IGF2BP2: variants seen among roughly 807,000 people sequenced by gnomAD.
IGF2BP2 encodes insulin like growth factor 2 mRNA binding protein 2, also known as insulin-like growth factor 2 mRNA-binding protein 2.
A neutral mutation model predicts 75.8 loss-of-function variants in IGF2BP2; 17 were observed. The observed-to-expected ratio is 0.22, with a 90% CI of 0.15 to 0.34. The LOEUF (loss-of-function observed/expected upper bound fraction) is 0.34, where lower values mean the gene tolerates loss of function less well. Among genes scored for constraint, IGF2BP2 ranks in the 10% least tolerant of loss-of-function variants. IGF2BP2 has a pLI of 1.00. For missense variants in IGF2BP2, 516 were observed against 772.4 expected, an observed-to-expected ratio of 0.67 and a Z score of 3.93; for synonymous variants, 288 against 295.6, an observed-to-expected ratio of 0.97 and a Z score of 0.26.
intron 2 of IGF2BP2, among the ~76,000 whole-genome samples, chr3:185,799,117 A>G (rs1256789500): frequency 6.8e-6 from 1 of 148,120 alleles, no homozygotes; most frequent in Non-Finnish European, 1.5e-5. Flanking sequence ...AAGAAGCTGC[A>G]GGCCGGGCAC....
chr3:185,765,088 G>A lies in IGF2BP2; in HGVS notation c.239+58065C>T, dbSNP rs184321686. 6.0e-3 allele frequency among the ~76,000 whole-genome samples: 907 copies of A among 152,110 alleles called. 7 individuals carry two copies. Among genetic ancestry groups the A allele is most frequent in the African/African-American group, 0.021 (859 of 41,484 alleles). On this transcript the variant is annotated intron_variant, in intron 2 of 15. Coordinates refer to ENST00000382199, the MANE Select transcript of IGF2BP2 (RefSeq NM_006548.6). The stretch of plus-strand genomic sequence containing the variant: ...ACTTAATTCCCAGCCCCTCCTACCC[G>A]TTTATGACTTAGGAATGAATGTAAG...
chr3:185,724,481 T>C (rs1727035923), intron 2 of IGF2BP2: 1 of 152,236 alleles, frequency 6.6e-6, no homozygotes, highest in Non-Finnish European at 1.5e-5. Context: ...AAGTTCAGAC[T>C]GGAGTCAAAG....
chr3:185,776,679 C>A (rs1359678994), intron 2 of IGF2BP2, among the ~76,000 whole-genome samples: 1 of 152,104 alleles, frequency 6.6e-6, no homozygotes, highest in Non-Finnish European at 1.5e-5. Context: ...GCAGGGGTGT[C>A]ATGGGAGTTG....
At chr3:185,796,564 CAAAAA>C (rs60331633) in intron 2 of IGF2BP2, among the ~76,000 whole-genome samples, 5,854 of 71,714 alleles carry the variant, frequency 0.082, 128 homozygotes, top group South Asian at 0.13. Flanking sequence ...CATTCCGTCT[CAAAAA>C]AAAAAAAAAA....
In IGF2BP2 at chr3:185,699,057, C is replaced by T. The variant is rs536060773; in HGVS notation, c.240-710G>A. Among the ~76,000 whole-genome samples, 380 of 152,250 alleles carry T rather than the reference C, an allele frequency of 2.5e-3. 1 individual carries two copies. The highest frequency in any genetic ancestry group is 8.8e-3 in the African/African-American group (367 of 41,540). ...CTCGAACTCCTGACCTCAAGTGATCCGCCTGCCTCGGCCTCCCAAAGTTTT... is the reference window on the plus strand; with the variant it reads ...CTCGAACTCCTGACCTCAAGTGATCTGCCTGCCTCGGCCTCCCAAAGTTTT... On this transcript the variant is annotated intron_variant, in intron 2 of 15. Transcript: ENST00000382199.
chr3:185,713,675 A>G (rs1392979684), intron 2 of IGF2BP2, among the ~76,000 whole-genome samples: 1 of 152,216 alleles, frequency 6.6e-6, no homozygotes, highest in Non-Finnish European at 1.5e-5. Flanking sequence ...AAATAAATTT[A>G]TATTTTAGAA....
intron 5 of IGF2BP2, among the ~76,000 whole-genome samples, chr3:185,691,090 C>G (rs1560302135): frequency 6.6e-6 from 1 of 151,902 alleles, no homozygotes; most frequent in Admixed American, 6.6e-5. Flanking sequence ...TGAACTATTA[C>G]CTTTTTCTTT....
chr3:185,762,682 G>T (rs868588618), intron 2 of IGF2BP2, among the ~76,000 whole-genome samples: 1 of 152,056 alleles, frequency 6.6e-6, no homozygotes, highest in Non-Finnish European at 1.5e-5. Context: ...TGCAATAATA[G>T]AGCTTATACT....
At chr3:185,676,834 C>A (rs1429299775) in intron 7 of IGF2BP2, among the ~76,000 whole-genome samples, 2 of 118,910 alleles carry the variant, frequency 1.7e-5, no homozygotes, top group East Asian at 4.1e-4. Context: ...TGGAGATATA[C>A]ACTTACTGGA....
At chr3:185,807,148 T>C (rs963374301) in intron 2 of IGF2BP2, among the ~76,000 whole-genome samples, 2 of 152,148 alleles carry the variant, frequency 1.3e-5, no homozygotes, top group Non-Finnish European at 2.9e-5. Context: ...GTTTTAAAAT[T>C]TTCAATTAGG....
chr3:185,648,044 C>T (rs944489593), intron 14 of IGF2BP2, among the ~76,000 whole-genome samples: 3 of 152,238 alleles, frequency 2.0e-5, no homozygotes, highest in Admixed American at 6.5e-5. Context: ...CCTGGAGCGC[C>T]GACTGCATTC....
At position 185,714,723 on chromosome 3, in the gene IGF2BP2, G is replaced by C. The variant is rs545401187; in HGVS notation, c.240-16376C>G. Among the ~76,000 whole-genome samples, 21 of 152,266 alleles carry C rather than the reference G, an allele frequency of 1.4e-4. No homozygotes were observed. In the East Asian group the frequency reaches 4.1e-3, roughly 29 times the overall value. On this transcript the variant is annotated intron_variant, in intron 2 of 15. Coordinates refer to ENST00000382199, the MANE Select transcript of IGF2BP2 (RefSeq NM_006548.6). Reference sequence around the variant, plus strand: ...AGCACTTTGGGAGGCCAAGTCGAGAGGATTGCTTGAGCCCAGAAGTTTGAG... The same window carrying C: ...AGCACTTTGGGAGGCCAAGTCGAGACGATTGCTTGAGCCCAGAAGTTTGAG...
intron 2 of IGF2BP2, among the ~76,000 whole-genome samples, chr3:185,810,687 T>A (rs893851476): frequency 6.6e-6 from 1 of 151,902 alleles, no homozygotes; most frequent in South Asian, 2.1e-4. Context: ...GGCAGGAGAA[T>A]TGCTTGAACC....
intron 5 of IGF2BP2, among the ~76,000 whole-genome samples, chr3:185,690,419 A>C (rs1201461450): frequency 1.3e-5 from 2 of 152,124 alleles, no homozygotes; most frequent in Non-Finnish European, 2.9e-5. Context: ...CTTTAAAAAA[A>C]CAGTTAATAT....
intron 2 of IGF2BP2, among the ~76,000 whole-genome samples, chr3:185,785,866 C>G (rs1735816667): frequency 6.6e-6 from 1 of 152,108 alleles, no homozygotes; most frequent in Admixed American, 6.6e-5. Flanking sequence ...TAAACCATTT[C>G]TAGACTGAAT....
chr3:185,661,124 T>C (rs537336227), intron 10 of IGF2BP2, among the ~76,000 whole-genome samples: 17 of 152,358 alleles, frequency 1.1e-4, no homozygotes, highest in African/African-American at 3.8e-4. Context: ...GGAAAGAATC[T>C]TGAACTTGCA....
At chr3:185,648,249 G>C (rs1055914152) in intron 14 of IGF2BP2, among the ~76,000 whole-genome samples, 1 of 152,174 alleles carries the variant, frequency 6.6e-6, no homozygotes, top group Non-Finnish European at 1.5e-5. Context: ...CTGAGGTCGG[G>C]AGTTCGAGAC....
chr3:185,772,100 T>C (rs1733954946), intron 2 of IGF2BP2, among the ~76,000 whole-genome samples: 1 of 152,170 alleles, frequency 6.6e-6, no homozygotes, highest in Admixed American at 6.5e-5. Context: ...TATGTATTTA[T>C]TTGGTTTCTT....
chr3:185,735,564 T>C (rs1728749549), intron 2 of IGF2BP2, among the ~76,000 whole-genome samples: 2 of 152,184 alleles, frequency 1.3e-5, no homozygotes, highest in South Asian at 4.1e-4. Context: ...TGTTTGGCAT[T>C]ATCGATGGTC....
Sources: allele counts gnomAD v4.1 joint callset (sites outside exome capture counted in the v4.1 genomes callset), GRCh38; gene constraint gnomAD v4.1.1; transcripts MANE v1.5; gene names NCBI Gene and HGNC (gene_info 2026-07-23, HGNC 2026-07-21).